KCNK10: variants seen among roughly 807,000 people sequenced by gnomAD.
KCNK10 encodes the protein potassium channel subfamily K member 10.
In KCNK10, 25 loss-of-function variants were observed where a neutral mutation model predicts 47.7. That is an observed-to-expected ratio of 0.52 (90% confidence interval 0.38 to 0.73). The LOEUF is 0.73. Ranked by LOEUF, KCNK10 falls within the 30% of genes least tolerant of loss-of-function variation. KCNK10 has a pLI of 0.00. For missense variants in KCNK10, 563 were observed against 714.5 expected (o/e 0.79, Z 2.42); for synonymous variants, 303 against 285.6 (o/e 1.06, Z -0.61).
intron 1 of KCNK10, among the ~76,000 whole-genome samples, chr14:88,301,229 T>A (rs1192991983): frequency 6.6e-6 from 1 of 152,112 alleles, no homozygotes; most frequent in Non-Finnish European, 1.5e-5. Flanking sequence ...CTCTTCCAGG[T>A]TCATAGTAAC....
intron 4 of KCNK10, among the ~76,000 whole-genome samples, chr14:88,220,717 T>G (rs1595088392): frequency 1.3e-5 from 2 of 151,718 alleles, no homozygotes; most frequent in South Asian, 4.2e-4. Flanking sequence ...AACTTAAAAG[T>G]GATCACATAC....
chr14:88,261,099 C>T (rs1439879710), intron 2 of KCNK10, among the ~76,000 whole-genome samples: 2 of 152,190 alleles, frequency 1.3e-5, no homozygotes, highest in African/African-American at 4.8e-5. Context: ...TGATATCTTG[C>T]TCTAAAAACA....
chr14:88,231,918 A>G (rs1318120379), intron 3 of KCNK10, among the ~76,000 whole-genome samples: 2 of 152,234 alleles, frequency 1.3e-5, no homozygotes, highest in South Asian at 4.1e-4. Context: ...TTTTCAGAAA[A>G]GATTCTATTA....
intron 3 of KCNK10, chr14:88,235,268 T>G (rs1886268906): frequency 2.2e-6 from 1 of 456,406 alleles, no homozygotes; most frequent in Admixed American, 2.3e-5. Flanking sequence ...TCCAGGAATA[T>G]CCAGTTTGCC....
chr14:88,268,201 G>A (rs1246704148), intron 1 of KCNK10, among the ~76,000 whole-genome samples: 2 of 152,198 alleles, frequency 1.3e-5, no homozygotes, highest in East Asian at 3.9e-4. Flanking sequence ...GAGTTCTTGA[G>A]CTGAAGTTAG....
At chr14:88,271,010 C>T in intron 1 of KCNK10, 2 of 596,680 alleles carry the variant, frequency 3.4e-6, no homozygotes, top group Non-Finnish European at 6.0e-6. Flanking sequence ...CCAAACCCAG[C>T]AGCACCCAGA....
At chr14:88,221,301 C>CAATAATAATAAT (rs55913907) in intron 4 of KCNK10, among the ~76,000 whole-genome samples, 10,466 of 144,018 alleles carry the variant, frequency 0.073, 733 homozygotes, top group African/African-American at 0.18. Context: ...GACTCTGTCT[C>CAATAATAATAAT]AATAATAATA....
intron 4 of KCNK10, 97 bp from the exon 5 acceptor site, chr14:88,192,507 A>T: frequency 9.6e-7 from 1 of 1,046,698 alleles, no homozygotes; most frequent in East Asian, 2.5e-5. Context: ...AGTGACTTTT[A>T]ACCTTTCTCT....
chr14:88,262,110 A>T (rs1397192827), intron 2 of KCNK10, among the ~76,000 whole-genome samples: 1 of 152,230 alleles, frequency 6.6e-6, no homozygotes, highest in Non-Finnish European at 1.5e-5. Flanking sequence ...TGTTGCAGCC[A>T]TTAGAATTTA....
At chr14:88,267,544 G>T (rs1887296319) in intron 1 of KCNK10, among the ~76,000 whole-genome samples, 1 of 151,662 alleles carries the variant, frequency 6.6e-6, no homozygotes, top group African/African-American at 2.4e-5. Context: ...CTGATTTTTT[G>T]TATTTTTAGT....
chr14:88,241,983 C>A (rs867018938), intron 2 of KCNK10, among the ~76,000 whole-genome samples: 2 of 148,310 alleles, frequency 1.3e-5, no homozygotes, highest in Non-Finnish European at 3.0e-5. Context: ...GCTGTTCACA[C>A]GGGTGAACTG....
rs538422980 is a variant in KCNK10, at chr14:88,253,183, A to G, written c.402+10019T>C. Among the ~76,000 whole-genome samples, 7 of 152,302 alleles carry G rather than the reference A, an allele frequency of 4.6e-5. No homozygotes were observed. The East Asian group carries it at 1.4e-3, about 29-fold the overall frequency. On this transcript the variant is annotated intron_variant, in intron 2 of 6. Transcript: ENST00000319231. ...CTCTCTAGCACCCAGCCAGCACAGA[A>G]TCAGTGCCTAATAAATAATGCTGAC...
chr14:88,320,958 C>T (rs1364560265), intron 1 of KCNK10, among the ~76,000 whole-genome samples: 1 of 152,240 alleles, frequency 6.6e-6, no homozygotes, highest in Non-Finnish European at 1.5e-5. Flanking sequence ...AACACAAGCC[C>T]TCTTGCTCTC....
intron 1 of KCNK10, among the ~76,000 whole-genome samples, chr14:88,315,917 G>C (rs576779118): frequency 2.6e-5 from 4 of 152,094 alleles, no homozygotes; most frequent in African/African-American, 7.2e-5. Flanking sequence ...AGAAGGACGG[G>C]AGGAATGAAG....
intron 2 of KCNK10, among the ~76,000 whole-genome samples, chr14:88,261,904 A>G (rs546095988): frequency 5.3e-5 from 8 of 152,278 alleles, no homozygotes; most frequent in African/African-American, 1.4e-4. Flanking sequence ...AATCATATTT[A>G]CTCCCAGGAA....
At chr14:88,297,326 T>G (rs1312363488) in intron 1 of KCNK10, among the ~76,000 whole-genome samples, 1 of 152,230 alleles carries the variant, frequency 6.6e-6, no homozygotes, top group African/African-American at 2.4e-5. Context: ...CTTCAAACAT[T>G]TGTTGCCACT....
At chr14:88,314,237 T>G (rs565632299) in intron 1 of KCNK10, among the ~76,000 whole-genome samples, 1 of 152,194 alleles carries the variant, frequency 6.6e-6, no homozygotes, top group South Asian at 2.1e-4. Flanking sequence ...GCATGGAGCC[T>G]TCATGATTAG....
chr14:88,224,120 T>A (rs545637361), intron 4 of KCNK10, among the ~76,000 whole-genome samples: 9 of 152,352 alleles, frequency 5.9e-5, no homozygotes, highest in African/African-American at 2.2e-4. Context: ...CTTTTACCTT[T>A]CCTTTGTTTC....
At chr14:88,301,251 GTTATCACTGTCA>G (rs1209129210) in intron 1 of KCNK10, among the ~76,000 whole-genome samples, 2 of 152,074 alleles carry the variant, frequency 1.3e-5, no homozygotes, top group African/African-American at 2.4e-5. Context: ...ATAAATGTTA[GTTATCACTGTCA>G]TTATCACCAT....
Sources: allele counts gnomAD v4.1 joint callset (sites outside exome capture counted in the v4.1 genomes callset), GRCh38; gene constraint gnomAD v4.1.1; transcripts MANE v1.5; gene names NCBI Gene and HGNC (gene_info 2026-07-23, HGNC 2026-07-21).